SPTB: variants seen among roughly 807,000 people sequenced by gnomAD.
SPTB encodes spectrin beta chain, erythrocytic.
Under a neutral mutation model 256.2 loss-of-function variants are expected in SPTB, and 45 were observed. The observed-to-expected ratio is 0.18, with a 90% confidence interval of 0.14 to 0.23. The LOEUF (loss-of-function observed/expected upper bound fraction) is 0.23, where lower values mean the gene tolerates loss of function less well. Ranked by LOEUF, SPTB falls within the 10% of genes least tolerant of loss-of-function variation. The pLI is 1.00. For synonymous variants in SPTB, 1,231 were observed against 1,243.1 expected (o/e 0.99, Z 0.21); for missense variants, 2,715 against 3,040.4 (o/e 0.89, Z 2.52).
At chr14:64,815,724 C>T (rs1234053809) in intron 2 of SPTB, among the ~76,000 whole-genome samples, 2 of 152,170 alleles carry the variant, frequency 1.3e-5, no homozygotes, top group East Asian at 1.9e-4. Context: ...GGATCAGTTC[C>T]CTTCCCCAAG....
At position 64,784,745 on chromosome 14, in the gene SPTB, C is replaced by T. The variant is rs1334353671; in HGVS notation, c.3856-352G>A. ...TAGGTGGATAAATCCGTCCTTTGGC[C>T]GTAGGGTGAGAGATCCTTGATAAAC... is the stretch of plus-strand genomic sequence containing the variant. On this transcript the variant is annotated intron_variant, in intron 18 of 35. Coordinates refer to ENST00000644917, the MANE Select transcript of SPTB (RefSeq NM_001355436.2). 3.9e-5 allele frequency among the ~76,000 whole-genome samples: 6 copies of T among 152,128 alleles called. No individual in the cohort carries two copies. The East Asian group carries it at 1.2e-3, about 29-fold the overall frequency.
At chr14:64,875,661 A>C (rs751781356) in intron 1 of SPTB, among the ~76,000 whole-genome samples, 12 of 152,256 alleles carry the variant, frequency 7.9e-5, no homozygotes, top group Non-Finnish European at 1.8e-4. Context: ...AAAACAGAGG[A>C]GTAACCTACG....
Position 64,793,353 on chromosome 14 carries a change from A to G in SPTB, c.2310T>C (p.Asp770=), listed in dbSNP as rs976905243. The change falls in exon 14 of 36, where the codon GAT becomes GAC. Residue 770 remains aspartate (D), a synonymous_variant. Coordinates refer to ENST00000644917, the MANE Select transcript of SPTB (RefSeq NM_001355436.2). This position sits in a 1 kb window ranked among gnomAD's most constrained non-coding sequence, Gnocchi z 7.0. ...QDAHRLLSGE[D]VGQDEGATRA... is the part of the protein sequence containing the mutation. ...GCGTGGCCCCTTCGTCCTGCCCCAC[A>G]TCTTCACCAGAGAGCAGCCGGTGGG... The G allele has an allele frequency of 3.1e-6, 5 of 1,611,604 alleles. No homozygotes were observed. The highest frequency in any genetic ancestry group is 4.2e-6 in the Non-Finnish European group (5 of 1,179,988).
chr14:64,829,166 A>G (rs887141972), intron 1 of SPTB, among the ~76,000 whole-genome samples: 1 of 152,204 alleles, frequency 6.6e-6, no homozygotes, highest in Non-Finnish European at 1.5e-5. Context: ...ACCTGAATTT[A>G]TTAATAATTA....
chr14:64,801,883 C>T, intron 5 of SPTB, 49 bp from the exon 6 acceptor site: 1 of 1,554,662 alleles, frequency 6.4e-7, no homozygotes. Context: ...TTTTTGTAGT[C>T]CCAAACAAGT....
Position 64,827,401 on chromosome 14 carries a change from C to T in SPTB, c.-51-4256G>A, listed in dbSNP as rs894179039. Among the ~76,000 whole-genome samples, 2 of 152,168 alleles carry T rather than the reference C, an allele frequency of 1.3e-5. No homozygotes were observed. Among genetic ancestry groups the T allele is most frequent in the African/African-American group, 2.4e-5 (1 of 41,444 alleles). On this transcript the variant is annotated intron_variant, in intron 1 of 35. Transcript: ENST00000644917. This position sits in a 1 kb window ranked among gnomAD's most constrained non-coding sequence, Gnocchi z 4.6. ...CTTTCTTAAACAGTATTGCTCCTTC[C>T]ACTGTATTGTTATCTTCTCTCTAGC...
At chr14:64,813,412 T>C (rs2139669240) in intron 2 of SPTB, among the ~76,000 whole-genome samples, 1 of 152,334 alleles carries the variant, frequency 6.6e-6, no homozygotes, top group African/African-American at 2.4e-5. Flanking sequence ...AATCATTTCA[T>C]GGTGAGCTCT....
In SPTB at chr14:64,802,600, C is replaced by T. The variant is rs1405061996; in HGVS notation, c.475-283G>A. 2.0e-5 allele frequency among the ~76,000 whole-genome samples: 3 copies of T among 152,240 alleles called. No individual in the cohort carries two copies. The East Asian group carries it at 5.8e-4, about 29-fold the overall frequency. Reference sequence around the variant, plus strand: ...GGAGCCTGGTGCACCATCAGTACTCCATAGCTGTATTGTGGCTGTCTGTAC... The same window carrying T: ...GGAGCCTGGTGCACCATCAGTACTCTATAGCTGTATTGTGGCTGTCTGTAC... On this transcript the variant is annotated intron_variant, in intron 4 of 35. Coordinates refer to ENST00000644917, the MANE Select transcript of SPTB (RefSeq NM_001355436.2). The surrounding 1 kb of genome is among the most constrained non-coding windows in gnomAD (Gnocchi z 5.1).
intron 1 of SPTB, among the ~76,000 whole-genome samples, chr14:64,837,714 G>T (rs886527766): frequency 2.0e-5 from 3 of 152,136 alleles, no homozygotes; most frequent in Non-Finnish European, 4.4e-5. Flanking sequence ...CGATTCTCCT[G>T]CCTCAGGCTC....
intron 2 of SPTB, 118 bp from the exon 3 acceptor site, chr14:64,805,208 T>G: frequency 8.8e-7 from 1 of 1,141,848 alleles, no homozygotes; most frequent in Non-Finnish European, 1.3e-6. Flanking sequence ...AGGAAGTCGA[T>G]GTATTCATTC....
At position 64,779,960 on chromosome 14, in the gene SPTB, C is replaced by G; in HGVS notation, c.4267-29G>C. On this transcript the variant is annotated intron_variant, in intron 20 of 35. Transcript: ENST00000644917. The surrounding 1 kb of genome is among the most constrained non-coding windows in gnomAD (Gnocchi z 4.2). ...AGACACAAGGGGACGGTGTCAGCAC[C>G]AGCCTTGGCACCTGCACAGCCCCTC... The G allele has an allele frequency of 6.3e-7, 1 of 1,589,536 alleles. No homozygotes were observed. Among genetic ancestry groups the G allele is most frequent in the Non-Finnish European group, 8.6e-7 (1 of 1,158,044 alleles).
Position 64,804,943 on chromosome 14 carries a change from A to T in SPTB, c.296T>A (p.Met99Lys), listed in dbSNP as rs2082954431. The T allele has an allele frequency of 1.2e-6, 2 of 1,614,160 alleles. No homozygotes were observed. Among genetic ancestry groups the T allele is most frequent in the East Asian group, 4.5e-5 (2 of 44,866 alleles). The change falls in exon 3 of 36, where the codon ATG (methionine) becomes AAG (lysine). Residue 99 changes from methionine to lysine, a missense_variant. Around this residue, in one of 4 missense-constraint regions of SPTB, gnomAD observed 416 missense variants for 571.1 expected, o/e 0.73. Transcript: ENST00000644917. The stretch of plus-strand genomic sequence containing the variant: ...GGCCCACAGAAGGGACTTTACCAGC[A>T]TCTCTCCAGAGAGCACCTCCAGCAG... ...IKLLEVLSGE[M>K]LPKPTKGKMR...
intron 29 of SPTB, 42 bp downstream of exon 29, chr14:64,768,992 G>T: frequency 6.6e-7 from 1 of 1,524,612 alleles, no homozygotes; most frequent in South Asian, 1.1e-5. Context: ...CTCCTGCGGG[G>T]GTACTCCTGC....
At chr14:64,798,693 T>C (rs2082822738) in intron 9 of SPTB, among the ~76,000 whole-genome samples, 1 of 152,220 alleles carries the variant, frequency 6.6e-6, no homozygotes, top group Non-Finnish European at 1.5e-5. Flanking sequence ...GGTAGACTCA[T>C]AGAGGATGCT....
Position 64,802,631 on chromosome 14 carries a change from T to C in SPTB, c.475-314A>G, listed in dbSNP as rs143066032. On this transcript the variant is annotated intron_variant, in intron 4 of 35. Transcript: ENST00000644917. The surrounding 1 kb of genome is among the most constrained non-coding windows in gnomAD (Gnocchi z 5.1). ...TGTATTGTGGCTGTCTGTACAAACA[T>C]TGATTCTGTTCCTATTATGTGGCAG... Among the ~76,000 whole-genome samples, 50 of 152,222 alleles carry C rather than the reference T, an allele frequency of 3.3e-4. No individual in the cohort carries two copies. The East Asian group carries it at 9.1e-3, about 28-fold the overall frequency.
At chr14:64,767,981 A>G in intron 29 of SPTB, 122 bp from the exon 30 acceptor site, 2 of 1,076,370 alleles carry the variant, frequency 1.9e-6, no homozygotes, top group Non-Finnish European at 1.4e-6. Flanking sequence ...CCTAAACCAC[A>G]TGGATACGCT....
At position 64,785,469 on chromosome 14, in the gene SPTB, G is replaced by T; in HGVS notation, c.3855+68C>A. 7.0e-7 allele frequency: 1 copy of T among 1,424,868 alleles called. No individual in the cohort carries two copies. Among genetic ancestry groups the T allele is most frequent in the Non-Finnish European group, 9.7e-7 (1 of 1,029,254 alleles). The allele number at this position is 1,424,868 out of a possible 1,614,324, so 88.3% of individuals were successfully genotyped here. On this transcript the variant is annotated intron_variant, in intron 18 of 35. Transcript: ENST00000644917. The surrounding 1 kb of genome is among the most constrained non-coding windows in gnomAD (Gnocchi z 4.4). ...TAGAAAGGATCCCTGTGGACTTCCT[G>T]CCTTGAGGGAACTCTGCTTCTAGAA...
At chr14:64,860,065 A>G (rs970218240) in intron 1 of SPTB, among the ~76,000 whole-genome samples, 1 of 152,214 alleles carries the variant, frequency 6.6e-6, no homozygotes, top group Non-Finnish European at 1.5e-5. Flanking sequence ...GAATTGCAGC[A>G]AATATGGCCT....
rs1460825545 is a variant in SPTB at position 64,790,476 on chromosome 14, G to C, written c.2804+1243C>G. Among the ~76,000 whole-genome samples the C allele has an allele frequency of 6.6e-6, 1 of 152,112 alleles. No homozygotes were observed. The highest frequency in any genetic ancestry group is 2.4e-5 in the African/African-American group (1 of 41,400). ...CTACAAGGCGAAAGAAGAGGGAAGA[G>C]GTATTCTCTTCCTTTGTAAAACATC... On this transcript the variant is annotated intron_variant, in intron 15 of 35. Coordinates refer to ENST00000644917, the MANE Select transcript of SPTB (RefSeq NM_001355436.2). This position sits in a 1 kb window ranked among gnomAD's most constrained non-coding sequence, Gnocchi z 4.8.
Sources: gnomAD v4.1 joint callset for allele counts (sites outside exome capture counted in the v4.1 genomes callset) on GRCh38, gnomAD v4.1.1 for gene constraint, gnomAD v4.1.1 regional missense constraint, Gnocchi (gnomAD v3.1) non-coding constraint, MANE v1.5 for transcripts, NCBI Gene and HGNC (gene_info 2026-07-23, HGNC 2026-07-21) for gene names.